TERB2: variants seen among roughly 807,000 people sequenced by gnomAD.
TERB2 encodes the protein telomere repeats-binding bouquet formation protein 2.
A neutral mutation model predicts 29.8 loss-of-function variants in TERB2; 26 were observed. The observed-to-expected ratio is 0.87, with a 90% CI of 0.64 to 1.21. The LOEUF is 1.21. Ranked by LOEUF, TERB2 falls within the 50% of genes most tolerant of loss-of-function variation. TERB2 has a pLI of 0.00. For missense variants in TERB2, 240 were observed against 268.6 expected, an observed-to-expected ratio of 0.89 and a Z score of 0.74; for synonymous variants, 80 against 90.8, an observed-to-expected ratio of 0.88 and a Z score of 0.68.
At chr15:44,961,721 A>G (rs1891806465) in intron 4 of TERB2, 137 bp downstream of exon 4, 5 of 567,472 alleles carry the variant, frequency 8.8e-6, no homozygotes, top group Non-Finnish European at 1.5e-5. Flanking sequence ...TTATTTTGAG[A>G]CGGAGTCTCA....
intron 4 of TERB2, among the ~76,000 whole-genome samples, chr15:44,965,338 A>T (rs1891869306): frequency 6.7e-6 from 1 of 148,210 alleles, no homozygotes; most frequent in Non-Finnish European, 1.5e-5. Flanking sequence ...ATCTTTACGT[A>T]TATAGTGAAG....
chr15:44,960,035 A>T (rs1374827063), intron 3 of TERB2, among the ~76,000 whole-genome samples: 1 of 152,154 alleles, frequency 6.6e-6, no homozygotes, highest in Non-Finnish European at 1.5e-5. Context: ...GGGGGAATTG[A>T]TTTTAAAAAC....
At position 44,973,817 on chromosome 15, in the gene TERB2, G is replaced by C. The variant is rs777861955; in HGVS notation, c.435-50G>C. 8 of 1,224,212 alleles carry C rather than the reference G, an allele frequency of 6.5e-6. No individual in the cohort carries two copies. In the African/African-American group the frequency reaches 1.3e-4, roughly 19 times the overall value. 75.8% of individuals were successfully genotyped at this position (1,224,212 alleles called of 1,614,324 possible). On this transcript the variant is annotated intron_variant, in intron 5 of 6. Coordinates refer to ENST00000340827, the MANE Select transcript of TERB2 (RefSeq NM_152448.3). ...CTTTAATATAAATGTAATACATATA[G>C]ACATATATATACTATGTATGTGTGA...
chr15:44,964,000 G>A (rs968521090), intron 4 of TERB2, among the ~76,000 whole-genome samples: 2 of 151,558 alleles, frequency 1.3e-5, no homozygotes, highest in East Asian at 3.9e-4. Flanking sequence ...TAGTAGAGAC[G>A]GGGTTTCACC....
rs986274162 is a variant in TERB2 at position 44,979,170 on chromosome 15, T to A, written c.*542T>A. ...AACATGGAGAAAAACATTTTAATAA[T>A]TCATATTTCATGTTGGATGGTTTCT... On this transcript the variant is annotated 3_prime_UTR_variant, in exon 7 of 7. Transcript: ENST00000340827. The A allele has an allele frequency of 6.6e-6, 1 of 152,232 alleles. No homozygotes were observed. Among genetic ancestry groups the A allele is most frequent in the African/African-American group, 2.4e-5 (1 of 41,456 alleles). 9.4% of individuals were successfully genotyped at this position (152,232 alleles called of 1,614,324 possible). A position where few individuals can be genotyped will look rare whatever the true frequency, so the allele number is the denominator to read the frequency against.
At chr15:44,969,415 A>T (rs968371131) in intron 5 of TERB2, among the ~76,000 whole-genome samples, 5 of 149,958 alleles carry the variant, frequency 3.3e-5, no homozygotes, top group East Asian at 1.9e-4. Flanking sequence ...GCCTAATTAA[A>T]TTTTTTTTTT....
In TERB2 at chr15:44,961,213, TATAC is replaced by T. The variant is rs1390840547; in HGVS notation, c.287-308_287-305del. Among the ~76,000 whole-genome samples, 26 of 140,756 alleles carry T rather than the reference TATAC, an allele frequency of 1.8e-4. No individual in the cohort carries two copies. The South Asian group carries it at 2.2e-3, about 12-fold the overall frequency. 92.3% of individuals were successfully genotyped at this position (140,756 alleles called of 152,430 possible). A position where few individuals can be genotyped will look rare whatever the true frequency, so the allele number is the denominator to read the frequency against. ...AATGATATATATATATATATATATA[TATAC>T]ACACACACACACACATCTAATGTAG... On this transcript the variant is annotated intron_variant, in intron 3 of 6. Transcript: ENST00000340827.
At chr15:44,964,931 G>T (rs1046818611) in intron 4 of TERB2, among the ~76,000 whole-genome samples, 2 of 151,878 alleles carry the variant, frequency 1.3e-5, no homozygotes, top group African/African-American at 2.4e-5. Context: ...GGAGGCTGGG[G>T]CGGGCCGATT....
chr15:44,965,326 A>G (rs1009469868), intron 4 of TERB2, among the ~76,000 whole-genome samples: 5 of 148,524 alleles, frequency 3.4e-5, no homozygotes, highest in Non-Finnish European at 7.4e-5. Flanking sequence ...CTTTACATAT[A>G]TATCTTTACG....
chr15:44,969,354 C>T (rs1039895901), intron 5 of TERB2, among the ~76,000 whole-genome samples: 16 of 152,090 alleles, frequency 1.1e-4, no homozygotes, highest in Admixed American at 7.2e-4. Flanking sequence ...GCAATCCACC[C>T]TCCTAGGCCT....
At chr15:44,965,620 AT>A (rs945019905) in intron 4 of TERB2, among the ~76,000 whole-genome samples, 1 of 144,956 alleles carries the variant, frequency 6.9e-6, no homozygotes, top group African/African-American at 2.5e-5. Context: ...AGATATATAA[AT>A]ATATATCTAT....
intron 5 of TERB2, chr15:44,971,306 G>C (rs1354383196): frequency 1.3e-5 from 2 of 152,322 alleles, no homozygotes. Context: ...ACCAGCGAAA[G>C]CAGCCACTCT....
chr15:44,963,169 T>C (rs1204868698), intron 4 of TERB2, among the ~76,000 whole-genome samples: 2 of 152,156 alleles, frequency 1.3e-5, no homozygotes, highest in African/African-American at 4.8e-5. Context: ...GATCTCAAAT[T>C]ATCACCCACA....
intron 4 of TERB2, among the ~76,000 whole-genome samples, chr15:44,964,960 A>G (rs1891859546): frequency 6.6e-6 from 1 of 151,886 alleles, no homozygotes; most frequent in South Asian, 2.1e-4. Flanking sequence ...TTGGGAGTTC[A>G]AAACCAACCT....
intron 6 of TERB2, among the ~76,000 whole-genome samples, chr15:44,975,654 C>A (rs777673187): frequency 6.6e-6 from 1 of 151,948 alleles, no homozygotes; most frequent in Non-Finnish European, 1.5e-5. Flanking sequence ...CAGTCCTGTG[C>A]ATTATAGCAT....
intron 5 of TERB2, among the ~76,000 whole-genome samples, chr15:44,968,993 G>C (rs1191428972): frequency 6.6e-6 from 1 of 151,994 alleles, no homozygotes. Flanking sequence ...GAGGTAGCAT[G>C]ATCATAGCTC....
intron 6 of TERB2, among the ~76,000 whole-genome samples, chr15:44,978,113 C>T (rs1282151868): frequency 2.0e-5 from 3 of 152,164 alleles, no homozygotes; most frequent in African/African-American, 4.8e-5. Context: ...GAACTGTTTG[C>T]ACTGTTAGTA....
At chr15:44,959,606 G>A (rs1416441657) in intron 3 of TERB2, among the ~76,000 whole-genome samples, 2 of 152,094 alleles carry the variant, frequency 1.3e-5, no homozygotes, top group African/African-American at 2.4e-5. Context: ...GACCTCAAGT[G>A]ATCCACCCGC....
intron 2 of TERB2, among the ~76,000 whole-genome samples, chr15:44,957,670 A>G (rs1891739470): frequency 1.3e-5 from 2 of 152,100 alleles, no homozygotes; most frequent in Admixed American, 1.3e-4. Flanking sequence ...TTTCGCCGGG[A>G]CTATCAGAGT....
Sources: allele counts gnomAD v4.1 joint callset (sites outside exome capture counted in the v4.1 genomes callset), GRCh38; gene constraint gnomAD v4.1.1; transcripts MANE v1.5; gene names NCBI Gene and HGNC (gene_info 2026-07-23, HGNC 2026-07-21).